SLC30A4: variants seen among roughly 807,000 people sequenced by gnomAD.
SLC30A4 encodes solute carrier family 30 member 4, also known as probable proton-coupled zinc antiporter SLC30A4.
In SLC30A4, 20 loss-of-function variants were observed where a neutral mutation model predicts 41.7. The observed-to-expected ratio is 0.48, with a 90% CI of 0.34 to 0.70. SLC30A4 has a LOEUF of 0.70. Among genes scored for constraint, SLC30A4 ranks in the 30% least tolerant of loss-of-function variants. The pLI is 0.01. For missense variants in SLC30A4, 441 were observed against 529.3 expected (o/e 0.83, Z 1.64); for synonymous variants, 181 against 195.9 (o/e 0.92, Z 0.64).
intron 2 of SLC30A4, among the ~76,000 whole-genome samples, chr15:45,520,647 T>G (rs1566884727): frequency 6.6e-6 from 1 of 152,196 alleles, no homozygotes; most frequent in African/African-American, 2.4e-5. Context: ...GCAGTCTATG[T>G]AAAGCAGTGT....
intron 3 of SLC30A4, among the ~76,000 whole-genome samples, chr15:45,501,673 TAA>T (rs1228453751): frequency 6.6e-6 from 1 of 152,066 alleles, no homozygotes; most frequent in African/African-American, 2.4e-5. Flanking sequence ...GCTAATTTTT[TAA>T]AAAGTTTTTG....
chr15:45,513,675 T>C (rs1326340489), intron 2 of SLC30A4: 1 of 152,218 alleles, frequency 6.6e-6, no homozygotes, highest in Non-Finnish European at 1.5e-5. Context: ...TAATTTGCGC[T>C]GTACCCATTT....
Position 45,487,515 on chromosome 15 carries a change from G to C in SLC30A4, c.1000+12C>G, listed in dbSNP as rs767726275. ...GTAATAAACTCATAATGAGGATATA[G>C]TGAGATCTTACCTTCTAGTATTATA... On this transcript the variant is annotated intron_variant, in intron 6 of 7. Coordinates refer to ENST00000261867, the MANE Select transcript of SLC30A4 (RefSeq NM_013309.6). The C allele has an allele frequency of 4.1e-6, 5 of 1,220,684 alleles. No homozygotes were observed. The African/African-American group carries it at 4.5e-5, about 11-fold the overall frequency. The allele number at this position is 1,220,684 out of a possible 1,614,324, so 75.6% of individuals were successfully genotyped here.
chr15:45,521,897 G>A lies in SLC30A4; in HGVS notation c.391+67C>T. 2.0e-6 allele frequency: 3 copies of A among 1,504,400 alleles called. No individual in the cohort carries two copies. The Middle Eastern group carries it at 5.3e-4, about 266-fold the overall frequency. The allele number at this position is 1,504,400 out of a possible 1,614,324, so 93.2% of individuals were successfully genotyped here. A position where few individuals can be genotyped will look rare whatever the true frequency, so the allele number is the denominator to read the frequency against. On this transcript the variant is annotated intron_variant, in intron 2 of 7. Coordinates refer to ENST00000261867, the MANE Select transcript of SLC30A4 (RefSeq NM_013309.6). ...AGATGGGTTAAACCTCAAAGCCTGT[G>A]TAACTACAGCTTGACAAAGACTCTC...
chr15:45,498,973 G>A (rs906260811), intron 3 of SLC30A4, among the ~76,000 whole-genome samples: 1 of 152,014 alleles, frequency 6.6e-6, no homozygotes, highest in African/African-American at 2.4e-5. Context: ...CCTAACCCAG[G>A]ACAATCCATC....
chr15:45,501,073 C>T (rs1002563905), intron 3 of SLC30A4, among the ~76,000 whole-genome samples: 3 of 151,018 alleles, frequency 2.0e-5, no homozygotes, highest in East Asian at 4.0e-4. Flanking sequence ...TTTGGGAGGC[C>T]GAGGCGGGCA....
At chr15:45,492,212 CAA>C (rs1163243140) in intron 3 of SLC30A4, among the ~76,000 whole-genome samples, 10,615 of 67,864 alleles carry the variant, frequency 0.16, 1,181 homozygotes, top group African/African-American at 0.37. Flanking sequence ...CTGTAGCATC[CAA>C]AAAAAAAAAA....
intron 6 of SLC30A4, 55 bp from the exon 7 acceptor site, chr15:45,486,800 T>C: frequency 9.8e-7 from 1 of 1,020,180 alleles, no homozygotes; most frequent in South Asian, 2.0e-5. Flanking sequence ...AAAGGAACTT[T>C]TACATTACCG....
At position 45,479,768 on chromosome 15, in the gene SLC30A4, A is replaced by G. The variant is rs938649472; in HGVS notation, c.*5395T>C. On this transcript the variant is annotated 3_prime_UTR_variant, in exon 8 of 8. Transcript: ENST00000261867. The stretch of plus-strand genomic sequence containing the variant: ...TTAAGAGACTGTACATTTTTATTTA[A>G]TAAACCACATGGCAAAACAATACTT... 1 of 152,028 alleles carries G rather than the reference A, an allele frequency of 6.6e-6. No individual in the cohort carries two copies. The highest frequency in any genetic ancestry group is 1.5e-5 in the Non-Finnish European group (1 of 68,000). The allele number at this position is 152,028 out of a possible 1,614,324, so 9.4% of individuals were successfully genotyped here. A position where few individuals can be genotyped will look rare whatever the true frequency, so the allele number is the denominator to read the frequency against.
intron 3 of SLC30A4, among the ~76,000 whole-genome samples, chr15:45,497,475 A>G (rs1891930923): frequency 6.6e-6 from 1 of 152,242 alleles, no homozygotes; most frequent in South Asian, 2.1e-4. Flanking sequence ...AAGATGAGTT[A>G]ATATGTGTAT....
intron 3 of SLC30A4, among the ~76,000 whole-genome samples, chr15:45,507,505 T>C (rs1439775898): frequency 6.7e-6 from 1 of 149,984 alleles, no homozygotes; most frequent in Non-Finnish European, 1.5e-5. Flanking sequence ...TTTCCTTTTT[T>C]TTTTTTTTGT....
intron 3 of SLC30A4, among the ~76,000 whole-genome samples, chr15:45,492,306 C>A (rs1891826136): frequency 6.7e-6 from 1 of 149,816 alleles, no homozygotes. Flanking sequence ...GTGGGGATAC[C>A]ACACAACCAT....
In SLC30A4 at chr15:45,485,114, G is replaced by A. The variant is rs1891670895; in HGVS notation, c.*49C>T. 2 of 1,485,220 alleles carry A rather than the reference G, an allele frequency of 1.3e-6. No homozygotes were observed. Among genetic ancestry groups the A allele is most frequent in the Non-Finnish European group, 9.3e-7 (1 of 1,075,244 alleles). The allele number at this position is 1,485,220 out of a possible 1,614,324, so 92.0% of individuals were successfully genotyped here. A position where few individuals can be genotyped will look rare whatever the true frequency, so the allele number is the denominator to read the frequency against. ...TTAGGTTTGCATTTATTGCTCTCAA[G>A]TCTGTGACTGCAGGATAAATAAGGC... On this transcript the variant is annotated 3_prime_UTR_variant, in exon 8 of 8. Transcript: ENST00000261867.
chr15:45,511,609 G>A (rs866357684), intron 2 of SLC30A4, among the ~76,000 whole-genome samples: 34 of 151,844 alleles, frequency 2.2e-4, no homozygotes, highest in African/African-American at 8.0e-4. Flanking sequence ...TCAGCCTCCC[G>A]AGTAGCTGGG....
intron 3 of SLC30A4, among the ~76,000 whole-genome samples, chr15:45,503,318 T>A (rs1892078594): frequency 1.3e-5 from 2 of 152,120 alleles, no homozygotes; most frequent in Non-Finnish European, 2.9e-5. Flanking sequence ...AAGCTAATCC[T>A]TTTAGAAGGT....
At chr15:45,487,423 T>C in intron 6 of SLC30A4, 104 bp downstream of exon 6, 1 of 617,886 alleles carries the variant, frequency 1.6e-6, no homozygotes, top group South Asian at 2.1e-5. Context: ...CTAAAAGGTA[T>C]TAGTAAAAAG....
intron 3 of SLC30A4, among the ~76,000 whole-genome samples, chr15:45,500,683 AT>A (rs746456847): frequency 6.6e-6 from 1 of 150,708 alleles, no homozygotes; most frequent in African/African-American, 2.4e-5. Flanking sequence ...TTTTATTTTT[AT>A]TTTTTTATTT....
In SLC30A4 at chr15:45,481,278, G is replaced by A. The variant is rs964339170; in HGVS notation, c.*3885C>T. ...AAAATCTGCACTCACATTACATAAG[G>A]CATAGCTAATGGAAATGTATGTAGG... On this transcript the variant is annotated 3_prime_UTR_variant, in exon 8 of 8. Coordinates refer to ENST00000261867, the MANE Select transcript of SLC30A4 (RefSeq NM_013309.6). The A allele has an allele frequency of 2.0e-5, 3 of 152,182 alleles. No individual in the cohort carries two copies. The highest frequency in any genetic ancestry group is 7.2e-5 in the African/African-American group (3 of 41,438). 9.4% of individuals were successfully genotyped at this position (152,182 alleles called of 1,614,324 possible).
At chr15:45,515,078 G>A (rs1472067331) in intron 2 of SLC30A4, among the ~76,000 whole-genome samples, 3 of 150,916 alleles carry the variant, frequency 2.0e-5, no homozygotes, top group African/African-American at 7.3e-5. Flanking sequence ...TTAGAGACAA[G>A]GTGTCACTAT....
Sources: gnomAD v4.1 joint callset for allele counts (sites outside exome capture counted in the v4.1 genomes callset) on GRCh38, gnomAD v4.1.1 for gene constraint, MANE v1.5 for transcripts, NCBI Gene and HGNC (gene_info 2026-07-23, HGNC 2026-07-21) for gene names.